KCTD16: variants seen among roughly 807,000 people sequenced by gnomAD.
KCTD16 encodes the protein BTB/POZ domain-containing protein KCTD16.
A neutral mutation model predicts 33.2 loss-of-function variants in KCTD16; 13 were observed. The observed-to-expected ratio is 0.39, with a 90% CI of 0.25 to 0.62. The LOEUF (loss-of-function observed/expected upper bound fraction) is 0.62. KCTD16 is among the 20% of genes least tolerant of loss of function. KCTD16 has a pLI of 0.50. For missense variants in KCTD16, 441 were observed against 525.1 expected (o/e 0.84, Z 1.57); for synonymous variants, 197 against 195.3 (o/e 1.01, Z -0.07).
intron 3 of KCTD16, among the ~76,000 whole-genome samples, chr5:144,388,711 A>T (rs1464346359): frequency 1.3e-5 from 2 of 152,122 alleles, no homozygotes; most frequent in Non-Finnish European, 2.9e-5. Flanking sequence ...AAGCCCTGTT[A>T]CTCTTTGTCT....
chr5:144,353,970 A>G (rs774048161), intron 3 of KCTD16, among the ~76,000 whole-genome samples: 7 of 152,180 alleles, frequency 4.6e-5, no homozygotes, highest in Non-Finnish European at 7.4e-5. Context: ...TATATCACTA[A>G]GAGTTTTTTG....
At position 144,296,262 on chromosome 5, in the gene KCTD16, A is replaced by G. The variant is rs568486910; in HGVS notation, c.832+88716A>G. 2.0e-5 allele frequency among the ~76,000 whole-genome samples: 3 copies of G among 152,350 alleles called. No homozygotes were observed. The East Asian group carries it at 5.8e-4, about 29-fold the overall frequency. On this transcript the variant is annotated intron_variant, in intron 3 of 3. Transcript: ENST00000512467. Reference sequence around the variant, plus strand: ...GGAGGTCTGGGGAGCCAGCAATAGCATCTGCTGCAGTGCTCAGTAAGAATT... The same window carrying G: ...GGAGGTCTGGGGAGCCAGCAATAGCGTCTGCTGCAGTGCTCAGTAAGAATT...
chr5:144,240,058 A>T (rs974191267), intron 3 of KCTD16, among the ~76,000 whole-genome samples: 2 of 152,138 alleles, frequency 1.3e-5, no homozygotes, highest in Non-Finnish European at 2.9e-5. Context: ...TGAAGTGGGT[A>T]CTATTAACAC....
intron 3 of KCTD16, among the ~76,000 whole-genome samples, chr5:144,280,567 G>A (rs1755569709): frequency 6.6e-6 from 1 of 151,986 alleles, no homozygotes; most frequent in Admixed American, 6.5e-5. Flanking sequence ...TTTCAGTCTG[G>A]CTAGAGACTT....
chr5:144,465,809 G>C (rs1754318689), intron 3 of KCTD16, among the ~76,000 whole-genome samples: 2 of 143,214 alleles, frequency 1.4e-5, no homozygotes. Flanking sequence ...TTTGCCAGGA[G>C]GATTAATAGA....
At chr5:144,397,031 G>A (rs1377475613) in intron 3 of KCTD16, among the ~76,000 whole-genome samples, 5 of 150,154 alleles carry the variant, frequency 3.3e-5, no homozygotes, top group African/African-American at 7.4e-5. Context: ...CCATTAACTC[G>A]TCATTTACAT....
Position 144,272,806 on chromosome 5 carries a change from C to G in KCTD16, c.832+65260C>G, listed in dbSNP as rs1229416094. On this transcript the variant is annotated intron_variant, in intron 3 of 3. Transcript: ENST00000512467. ...AAAATCATAATTTCCAGCTCTTCCC[C>G]AACACCATATACAAAAATTAACTCA... is the stretch of plus-strand genomic sequence containing the variant. Among the ~76,000 whole-genome samples the G allele has an allele frequency of 2.0e-5, 3 of 152,006 alleles. No individual in the cohort carries two copies. In the East Asian group the frequency reaches 5.8e-4, roughly 29 times the overall value.
intron 3 of KCTD16, among the ~76,000 whole-genome samples, chr5:144,225,723 T>C (rs1269982040): frequency 2.0e-5 from 3 of 152,104 alleles, no homozygotes; most frequent in African/African-American, 7.2e-5. Context: ...AGAGAAAGGG[T>C]ACATTTAAGC....
chr5:144,244,574 G>T (rs961608756), intron 3 of KCTD16, among the ~76,000 whole-genome samples: 2 of 152,098 alleles, frequency 1.3e-5, no homozygotes, highest in African/African-American at 4.8e-5. Flanking sequence ...TATACTTTAT[G>T]GTCAGGTCAA....
intron 3 of KCTD16, among the ~76,000 whole-genome samples, chr5:144,435,038 C>G (rs1753544773): frequency 6.6e-6 from 1 of 152,058 alleles, no homozygotes; most frequent in African/African-American, 2.4e-5. Context: ...TGGCCAGAGG[C>G]AAATGTCAAG....
In KCTD16 at chr5:144,437,684, C is replaced by T. The variant is rs184667751; in HGVS notation, c.833-35976C>T. Among the ~76,000 whole-genome samples the T allele has an allele frequency of 2.5e-3, 385 of 152,226 alleles. 1 individual carries two copies. The highest frequency in any genetic ancestry group is 7.5e-3 in the Admixed American group (114 of 15,292). ...AGGTAGTAACTATTCAATATCCAGC[C>T]GTTGTTTTTCCTATTTTTTTATGAA... On this transcript the variant is annotated intron_variant, in intron 3 of 3. Transcript: ENST00000512467.
At chr5:144,442,541 TTTCC>T (rs2126978396) in intron 3 of KCTD16, among the ~76,000 whole-genome samples, 1 of 151,136 alleles carries the variant, frequency 6.6e-6, no homozygotes, top group Admixed American at 6.6e-5. Context: ...CCTTCCAACT[TTTCC>T]TTCCTTCTTT....
chr5:144,219,010 T>C (rs1753648964), intron 3 of KCTD16, among the ~76,000 whole-genome samples: 1 of 152,130 alleles, frequency 6.6e-6, no homozygotes, highest in African/African-American at 2.4e-5. Flanking sequence ...GATAAAAGCC[T>C]TAGTTCGGTT....
At chr5:144,368,234 CA>C (rs969440313) in intron 3 of KCTD16, among the ~76,000 whole-genome samples, 1 of 152,070 alleles carries the variant, frequency 6.6e-6, no homozygotes, top group African/African-American at 2.4e-5. Context: ...AGGGAATTTG[CA>C]GGTGAAATTA....
At chr5:144,297,432 C>T (rs550344243) in intron 3 of KCTD16, among the ~76,000 whole-genome samples, 4 of 152,122 alleles carry the variant, frequency 2.6e-5, no homozygotes, top group Non-Finnish European at 5.9e-5. Flanking sequence ...TCTACAAGGC[C>T]GGATATCTCT....
rs143781322 is a variant in KCTD16, at chr5:144,346,909, A to G, written c.833-126751A>G. Among the ~76,000 whole-genome samples the G allele has an allele frequency of 3.0e-4, 46 of 151,438 alleles. No individual in the cohort carries two copies. In the East Asian group the frequency reaches 7.5e-3, roughly 25 times the overall value. ...GCTTTGGTTTCCTATGCTTGTTTCCATACTCAAGAAATCTTTGCCCAGACC... is the reference window on the plus strand; with the variant it reads ...GCTTTGGTTTCCTATGCTTGTTTCCGTACTCAAGAAATCTTTGCCCAGACC... On this transcript the variant is annotated intron_variant, in intron 3 of 3. Coordinates refer to ENST00000512467, the MANE Select transcript of KCTD16 (RefSeq NM_020768.4).
chr5:144,355,147 G>A (rs182799413), intron 3 of KCTD16, among the ~76,000 whole-genome samples: 58 of 152,162 alleles, frequency 3.8e-4, no homozygotes, highest in Non-Finnish European at 7.6e-4. Flanking sequence ...ACCTACTACC[G>A]CCATGTTTAC....
intron 3 of KCTD16, among the ~76,000 whole-genome samples, chr5:144,359,754 C>T (rs1751661622): frequency 6.6e-6 from 1 of 151,228 alleles, no homozygotes; most frequent in Non-Finnish European, 1.5e-5. Context: ...TTGTTTGGCC[C>T]CAAATGTCAA....
intron 3 of KCTD16, among the ~76,000 whole-genome samples, chr5:144,449,352 A>T (rs1753890485): frequency 6.6e-6 from 1 of 152,106 alleles, no homozygotes; most frequent in Non-Finnish European, 1.5e-5. Context: ...ATTCAATACT[A>T]TACCCATCAA....
Sources: gnomAD v4.1 joint callset for allele counts (sites outside exome capture counted in the v4.1 genomes callset) on GRCh38, gnomAD v4.1.1 for gene constraint, MANE v1.5 for transcripts, NCBI Gene and HGNC (gene_info 2026-07-23, HGNC 2026-07-21) for gene names.